UVSSA: variants seen among roughly 807,000 people sequenced by gnomAD.
UVSSA encodes the protein UV stimulated scaffold protein A.
A neutral mutation model predicts 73.9 loss-of-function variants in UVSSA; 72 were observed. The ratio of observed to expected loss-of-function variants is 0.97; its 90% confidence interval spans 0.81 to 1.19. UVSSA has a LOEUF of 1.19. Among genes scored for constraint, UVSSA ranks in the 50% most tolerant of loss-of-function variants. The pLI is 0.00. For synonymous variants in UVSSA, 454 were observed against 391.3 expected (o/e 1.16, Z -1.89); for missense variants, 1,150 against 965.0 (o/e 1.19, Z -2.54).
chr4:1,383,106 G>T (rs573759949), intron 12 of UVSSA, among the ~76,000 whole-genome samples: 18 of 152,072 alleles, frequency 1.2e-4, no homozygotes, highest in Admixed American at 1.2e-3. Flanking sequence ...CTGCCCAGTG[G>T]GGCTGTTGAC....
At position 1,353,371 on chromosome 4, in the gene UVSSA, C is replaced by T; in HGVS notation, c.892C>T (p.Leu298=). 1 of 1,603,156 alleles carries T rather than the reference C, an allele frequency of 6.2e-7. No individual in the cohort carries two copies. The change falls in exon 5 of 14, where the codon CTG becomes TTG. Residue 298 remains leucine, a synonymous_variant. Transcript: ENST00000389851. ...DLEEFVRSHG[L]GSHKYTLDVE... is the part of the protein sequence containing the mutation. ...CGAGGAGTTTGTGCGGAGCCACGGG[C>T]TGGGCTCGCACAAGTACACGCTGGA...
intron 13 of UVSSA, chr4:1,384,837 C>T (rs538543473): frequency 1.7e-4 from 26 of 152,466 alleles, no homozygotes; most frequent in Admixed American, 7.2e-4. Flanking sequence ...GGGTGGGAGG[C>T]GCCTTCACAG....
At chr4:1,356,944 G>A (rs1236687872) in intron 7 of UVSSA, 5 of 153,032 alleles carry the variant, frequency 3.3e-5, no homozygotes, top group Non-Finnish European at 5.8e-5. Flanking sequence ...GAAGGTGGCC[G>A]GTGGGCCTTT....
At chr4:1,394,657 C>T in exon 14 of UVSSA, 3 of 1,529,284 alleles carry the variant, frequency 2.0e-6, no homozygotes, top group East Asian at 4.7e-5. Flanking sequence ...TCACACATGC[C>T]CATGTGGAGT....
In UVSSA at chr4:1,372,940, G is replaced by A. The variant is rs192346756; in HGVS notation, c.1289-2424G>A. Among the ~76,000 whole-genome samples, 149 of 150,960 alleles carry A rather than the reference G, an allele frequency of 9.9e-4. 1 individual carries two copies. The highest frequency in any genetic ancestry group is 2.0e-3 in the Admixed American group (30 of 15,142). ...CTGCCCATGTTTTGCTCCACCCCCTGCCCCCTGGCTTTTCTTTGTGACTAC... is the reference window on the plus strand; with the variant it reads ...CTGCCCATGTTTTGCTCCACCCCCTACCCCCTGGCTTTTCTTTGTGACTAC... On this transcript the variant is annotated intron_variant, in intron 8 of 13. Coordinates refer to ENST00000389851, the MANE Select transcript of UVSSA (RefSeq NM_020894.4).
chr4:1,369,117 G>A (rs1030032729), intron 8 of UVSSA, among the ~76,000 whole-genome samples: 3 of 130,994 alleles, frequency 2.3e-5, no homozygotes, highest in South Asian at 2.6e-4. Flanking sequence ...GGCTAACCAC[G>A]TTCTGCCGTT....
At position 1,354,838 on chromosome 4, in the gene UVSSA, G is replaced by A. The variant is rs781451753; in HGVS notation, c.1038G>A (p.Ser346=). 12 of 1,609,304 alleles carry A rather than the reference G, an allele frequency of 7.5e-6. No homozygotes were observed. The East Asian group carries it at 1.3e-4, about 18-fold the overall frequency. ...ACAAGTTCCTGCCGGCTGTGTGCTC[G>A]TGGATCCAGGTGAGCCTCGAACCTG... ...IRNKFLPAVC[S]WIQRFTRVGT... The change falls in exon 6 of 14, where the codon TCG becomes TCA. Residue 346 remains serine (S), a synonymous_variant. Coordinates refer to ENST00000389851, the MANE Select transcript of UVSSA (RefSeq NM_020894.4).
intron 7 of UVSSA, among the ~76,000 whole-genome samples, chr4:1,362,010 C>G (rs914789266): frequency 5.3e-5 from 8 of 152,184 alleles, no homozygotes; most frequent in African/African-American, 1.9e-4. Flanking sequence ...CTGTGTGTGG[C>G]GGACAGACCT....
At chr4:1,376,879 C>T (rs1296112747) in intron 10 of UVSSA, among the ~76,000 whole-genome samples, 1 of 152,174 alleles carries the variant, frequency 6.6e-6, no homozygotes, top group Non-Finnish European at 1.5e-5. Flanking sequence ...AGGCTGTGTC[C>T]TGGGATGGAA....
intron 8 of UVSSA, among the ~76,000 whole-genome samples, chr4:1,372,817 G>A (rs1173288550): frequency 3.0e-5 from 1 of 33,688 alleles, no homozygotes; most frequent in African/African-American, 3.2e-4. Context: ...CGCGTCTCAG[G>A]GCACTCACCT....
At chr4:1,360,909 C>T (rs1174402506) in intron 7 of UVSSA, among the ~76,000 whole-genome samples, 1 of 152,216 alleles carries the variant, frequency 6.6e-6, no homozygotes, top group East Asian at 1.9e-4. Flanking sequence ...GCACCCAGTG[C>T]TCCTGCTCAG....
chr4:1,366,101 A>G (rs966283644), intron 7 of UVSSA: 17 of 424,150 alleles, frequency 4.0e-5, no homozygotes, highest in Non-Finnish European at 7.2e-5. Context: ...GACTCTAAAC[A>G]GCCCCCAGCA....
intron 5 of UVSSA, 139 bp downstream of exon 5, chr4:1,353,552 T>C (rs1715147262): frequency 8.2e-7 from 1 of 1,222,188 alleles, no homozygotes; most frequent in Admixed American, 3.1e-5. Context: ...CACCACCAGG[T>C]TTTTCCTTTC....
chr4:1,360,737 T>C (rs2141655), intron 7 of UVSSA, among the ~76,000 whole-genome samples: 71,390 of 152,070 alleles, frequency 0.47, 16,939 homozygotes, highest in Admixed American at 0.56. Flanking sequence ...CAGCTTTCAT[T>C]TTCCCGAGCC....
chr4:1,369,412 G>T (rs1046678261), intron 8 of UVSSA, among the ~76,000 whole-genome samples: 6 of 152,242 alleles, frequency 3.9e-5, no homozygotes, highest in Non-Finnish European at 5.9e-5. Flanking sequence ...CAGGCGGAGG[G>T]GCCAGCTCAG....
At chr4:1,366,288 G>A (rs202067382) in intron 7 of UVSSA, 32 bp from the exon 8 acceptor site, 1 of 1,553,782 alleles carries the variant, frequency 6.4e-7, no homozygotes, top group East Asian at 2.3e-5. Flanking sequence ...CAGGGTCTGG[G>A]GGTTGATTTG....
In UVSSA at chr4:1,380,047, G is replaced by C. The variant is rs1294469998; in HGVS notation, c.1569G>C (p.Lys523Asn). ...QELPTAGKIV[K>N]SDSQHRFWKP... ...TGAGGGCCTCTGGCTGTGTCTGCAG[G>C]TCTGACTCCCAGCACCGCTTCTGGA... Residue 523 changes from lysine (K) to asparagine (N), a missense_variant and splice_region_variant, in exon 11 of 14, where the codon AAG (lysine) becomes AAC (asparagine). Transcript: ENST00000389851. The C allele has an allele frequency of 6.2e-7, 1 of 1,601,960 alleles. No homozygotes were observed. The highest frequency in any genetic ancestry group is 8.5e-7 in the Non-Finnish European group (1 of 1,174,344).
intron 8 of UVSSA, among the ~76,000 whole-genome samples, chr4:1,370,633 C>T (rs557871469): frequency 7.2e-5 from 11 of 152,366 alleles, no homozygotes; most frequent in African/African-American, 2.4e-4. Flanking sequence ...GCCTTGTCTC[C>T]ACGTGTAGAT....
At chr4:1,343,425 G>A (rs1713501670), upstream of UVSSA, among the ~76,000 whole-genome samples, 1 of 152,088 alleles carries the variant, frequency 6.6e-6, no homozygotes, top group South Asian at 2.1e-4. Context: ...TAGGAATTTG[G>A]TAGGCAGGGG....
Sources: allele counts gnomAD v4.1 joint callset (sites outside exome capture counted in the v4.1 genomes callset), GRCh38; gene constraint gnomAD v4.1.1; transcripts MANE v1.5; gene names NCBI Gene and HGNC (gene_info 2026-07-23, HGNC 2026-07-21).